Variants in TTBK2 observed in about 807,000 individuals in gnomAD.
TTBK2 encodes tau-tubulin kinase 2.
TTBK2 carries 28 observed loss-of-function variants against 110.8 expected under a neutral mutation model. That is an observed-to-expected ratio of 0.25 (90% CI 0.19 to 0.35). TTBK2 has a LOEUF of 0.35. Among genes scored for constraint, TTBK2 ranks in the 10% least tolerant of loss-of-function variants. TTBK2 has a pLI of 1.00. For synonymous variants in TTBK2, 532 were observed against 527.3 expected (o/e 1.01, Z -0.12); for missense variants, 1,369 against 1,500.3 (o/e 0.91, Z 1.45).
At chr15:42,808,199 C>T (rs1240792189) in intron 9 of TTBK2, among the ~76,000 whole-genome samples, 2 of 152,170 alleles carry the variant, frequency 1.3e-5, no homozygotes, top group East Asian at 1.9e-4. Context: ...TCTCTAGGTC[C>T]ACAACTGATG....
At chr15:42,764,976 TA>T (rs897214158) in intron 13 of TTBK2, among the ~76,000 whole-genome samples, 89 of 152,340 alleles carry the variant, frequency 5.8e-4, no homozygotes, top group African/African-American at 2.1e-3. Context: ...CTGCTGGTGA[TA>T]CCCAGGCAAA....
At position 42,830,067 on chromosome 15, in the gene TTBK2, C is replaced by CA; in HGVS notation, c.302dup (p.Ala102GlyfsTer6). The CA allele has an allele frequency of 6.2e-7, 1 of 1,614,138 alleles. No homozygotes were observed. The highest frequency in any genetic ancestry group is 8.5e-7 in the Non-Finnish European group (1 of 1,180,034). On this transcript the variant is annotated frameshift_variant, in exon 5 of 15. Coordinates refer to ENST00000267890, the MANE Select transcript of TTBK2 (RefSeq NM_173500.4). LOFTEE classifies it high-confidence loss of function. ...GGGACTGGCTACGGCGAAGATCTGCCAGATTCCGACCCTATGGAAATCAAA... is the reference window on the plus strand; with the variant it reads ...GGGACTGGCTACGGCGAAGATCTGCCAAGATTCCGACCCTATGGAAATCAAA...
Position 42,848,371 on chromosome 15 carries a change from C to T in TTBK2, c.218-7938G>A, listed in dbSNP as rs367556142. On this transcript the variant is annotated intron_variant, in intron 3 of 14. Coordinates refer to ENST00000267890, the MANE Select transcript of TTBK2 (RefSeq NM_173500.4). The stretch of plus-strand genomic sequence containing the variant: ...CTATAGATCAATTGGGGAGAATCAA[C>T]ATCTTTACTATAGTGAACCTTCCAA... Among the ~76,000 whole-genome samples the T allele has an allele frequency of 1.1e-3, 170 of 152,210 alleles. 4 individuals carry two copies. In the South Asian group the frequency reaches 0.034, roughly 31 times the overall value.
At chr15:42,865,249 G>A (rs1894319585) in intron 3 of TTBK2, among the ~76,000 whole-genome samples, 1 of 151,950 alleles carries the variant, frequency 6.6e-6, no homozygotes, top group African/African-American at 2.4e-5. Flanking sequence ...AGACCAGCCT[G>A]GCCAACATGA....
In TTBK2 at chr15:42,746,192, T is replaced by C. The variant is rs900436638; in HGVS notation, c.3338A>G (p.Gln1113Arg). 2 of 1,614,040 alleles carry C rather than the reference T, an allele frequency of 1.2e-6. No individual in the cohort carries two copies. The highest frequency in any genetic ancestry group is 1.7e-6 in the Non-Finnish European group (2 of 1,180,034). The stretch of plus-strand genomic sequence containing the variant: ...TTTCTGAGATCCATTTTGAAGAATT[T>C]GGGCCAGGCGGGAGAAAAGGTCTGA... The part of the protein sequence containing the change: ...SDSDLFSRLA[Q>R]ILQNGSQKPR... Residue 1113 changes from glutamine to arginine, a missense_variant, in exon 15 of 15, where the codon CAA (glutamine) becomes CGA (arginine). Gln to Arg is a conservative substitution (Grantham distance 43, BLOSUM62 1). Around this residue, in one of 4 missense-constraint regions of TTBK2, gnomAD observed 1,097 missense variants for 1,114.7 expected, o/e 0.98. Coordinates refer to ENST00000267890, the MANE Select transcript of TTBK2 (RefSeq NM_173500.4).
intron 6 of TTBK2, among the ~76,000 whole-genome samples, chr15:42,823,603 C>T (rs1177725855): frequency 6.6e-6 from 1 of 152,146 alleles, no homozygotes; most frequent in Non-Finnish European, 1.5e-5. Context: ...AGTTTTGTAT[C>T]TGGATTATGG....
chr15:42,802,074 C>T (rs1246189139), intron 9 of TTBK2: 4 of 1,463,420 alleles, frequency 2.7e-6, no homozygotes, highest in Non-Finnish European at 3.8e-6. Flanking sequence ...TGTTCTGCTG[C>T]TCCAGGAACC....
rs779552133 is a variant in TTBK2, at chr15:42,775,735, G to T, written c.1410-12C>A. On this transcript the variant is annotated splice_polypyrimidine_tract_variant and intron_variant, in intron 12 of 14. Coordinates refer to ENST00000267890, the MANE Select transcript of TTBK2 (RefSeq NM_173500.4). ...GCATTTTCTCCAGGCTTAAGGAAAT[G>T]GAAAGAAGTTACTCAACTGTCCTAA... is the stretch of plus-strand genomic sequence containing the variant. The T allele has an allele frequency of 5.0e-6, 8 of 1,602,858 alleles. No individual in the cohort carries two copies. The African/African-American group carries it at 5.4e-5, about 11-fold the overall frequency.
intron 1 of TTBK2, among the ~76,000 whole-genome samples, chr15:42,882,647 T>C (rs1181910504): frequency 6.6e-6 from 1 of 151,768 alleles, no homozygotes; most frequent in Admixed American, 6.6e-5. Context: ...GATAACTAGA[T>C]AAAAATAATA....
intron 3 of TTBK2, among the ~76,000 whole-genome samples, chr15:42,867,856 C>T (rs1007864036): frequency 2.6e-5 from 4 of 152,194 alleles, no homozygotes; most frequent in Non-Finnish European, 5.9e-5. Context: ...AAGTAGAAAA[C>T]TTATATCCAC....
chr15:42,822,972 T>C (rs890529487), intron 6 of TTBK2, among the ~76,000 whole-genome samples: 1 of 152,176 alleles, frequency 6.6e-6, no homozygotes, highest in Non-Finnish European at 1.5e-5. Flanking sequence ...CCCTGGCCTA[T>C]TGCTAACAAA....
At chr15:42,853,316 A>G (rs1179078861) in intron 3 of TTBK2, among the ~76,000 whole-genome samples, 1 of 152,218 alleles carries the variant, frequency 6.6e-6, no homozygotes, top group Non-Finnish European at 1.5e-5. Flanking sequence ...TTCATGACCT[A>G]TAAAGAAAAA....
intron 11 of TTBK2, among the ~76,000 whole-genome samples, chr15:42,780,832 C>T (rs182297337): frequency 2.0e-5 from 3 of 152,046 alleles, no homozygotes; most frequent in Admixed American, 1.3e-4. Context: ...AGCGTGGTGG[C>T]GGGTGCCTGT....
chr15:42,889,259 T>G (rs1338037274), intron 1 of TTBK2, among the ~76,000 whole-genome samples: 3 of 152,188 alleles, frequency 2.0e-5, no homozygotes, highest in Non-Finnish European at 4.4e-5. Context: ...TCACATGTCT[T>G]GAGTCAGGAA....
At chr15:42,759,057 C>G (rs978913012) in intron 13 of TTBK2, among the ~76,000 whole-genome samples, 25 of 152,246 alleles carry the variant, frequency 1.6e-4, no homozygotes, top group African/African-American at 6.0e-4. Context: ...CTGTCCAGCC[C>G]TTGGACTCCA....
chr15:42,819,194 G>A (rs1014903908), intron 6 of TTBK2, among the ~76,000 whole-genome samples: 13 of 151,364 alleles, frequency 8.6e-5, no homozygotes, highest in Admixed American at 6.6e-4. Context: ...TCCTGGCCGG[G>A]CGCAGTGGCT....
intron 13 of TTBK2, among the ~76,000 whole-genome samples, chr15:42,759,328 C>T (rs1309962988): frequency 9.2e-5 from 14 of 152,368 alleles, no homozygotes; most frequent in African/African-American, 3.4e-4. Flanking sequence ...TCAGGGACAG[C>T]TGGCTCAGGC....
At position 42,790,739 on chromosome 15, in the gene TTBK2, G is replaced by A. The variant is rs545949150; in HGVS notation, c.980+3905C>T. Among the ~76,000 whole-genome samples the A allele has an allele frequency of 2.6e-5, 4 of 151,962 alleles. No individual in the cohort carries two copies. In the East Asian group the frequency reaches 7.7e-4, roughly 29 times the overall value. ...TTTTGTGACGGAGTCTCACGTTGTT[G>A]CCCAGGCTGGAATGCAGTGGCATGA... On this transcript the variant is annotated intron_variant, in intron 10 of 14. Transcript: ENST00000267890.
chr15:42,909,773 C>T (rs1273873518), intron 1 of TTBK2, among the ~76,000 whole-genome samples: 7 of 152,010 alleles, frequency 4.6e-5, no homozygotes, highest in Non-Finnish European at 1.0e-4. Flanking sequence ...AACTAAACTA[C>T]GTTAAATGGA....
Sources: gnomAD v4.1 joint callset for allele counts (sites outside exome capture counted in the v4.1 genomes callset) on GRCh38, gnomAD v4.1.1 for gene constraint, gnomAD v4.1.1 regional missense constraint, MANE v1.5 for transcripts, NCBI Gene and HGNC (gene_info 2026-07-23, HGNC 2026-07-21) for gene names.